Variants in CENPT observed in about 807,000 individuals in gnomAD.
CENPT encodes centromere protein T, also known as interphase centromere complex protein 22.
In CENPT, 42 loss-of-function variants were observed where a neutral mutation model predicts 59.7. That is an observed-to-expected ratio of 0.70 (90% confidence interval 0.55 to 0.91). CENPT has a LOEUF of 0.91. CENPT is among the 40% of genes least tolerant of loss of function. The pLI, the probability that CENPT is intolerant of heterozygous loss-of-function variation, is 0.00. For missense variants in CENPT, 716 were observed against 713.4 expected, an observed-to-expected ratio of 1.00 and a Z score of -0.04; for synonymous variants, 295 against 289.6, an observed-to-expected ratio of 1.02 and a Z score of -0.19.
At position 67,832,037 on chromosome 16, in the gene CENPT, A is replaced by C. The variant is rs187620725; in HGVS notation, c.361T>G (p.Ser121Ala). Residue 121 changes from serine (S) to alanine (A), a missense_variant, in exon 7 of 16, where the codon TCC (serine) becomes GCC (alanine). Ser to Ala is a moderately conservative substitution (Grantham distance 99). Transcript: ENST00000562787. ...PVPAPQAVQP[S>A]RQESSCGSLE... ...CTGCCGCAACTGCTCTCTTGTCTGG[A>C]GGGTTGGACCGCCTGCGGTGCTGGC... 2,594 of 1,608,638 alleles carry C rather than the reference A, an allele frequency of 1.6e-3. 20 individuals are homozygous for C. The East Asian group carries it at 0.023, about 14-fold the overall frequency.
chr16:67,844,705 C>CA, intron 1 of CENPT, among the ~76,000 whole-genome samples: 1 of 152,212 alleles, frequency 6.6e-6, no homozygotes, highest in South Asian at 2.1e-4. Flanking sequence ...TTCGGTGTGA[C>CA]AGAGCTGTAT....
rs762932370 is a variant in CENPT at position 67,843,307 on chromosome 16, C to T, written c.-492+4094G>A. Reference sequence around the variant, plus strand: ...ACCATTCGTACTCCTTGTCGTCAGGCACCACGGAGGAGGAGCTCCTGCGCA... The same window carrying T: ...ACCATTCGTACTCCTTGTCGTCAGGTACCACGGAGGAGGAGCTCCTGCGCA... On this transcript the variant is annotated intron_variant, in intron 1 of 15. Transcript: ENST00000562787. The surrounding 1 kb of genome is among the most constrained non-coding windows in gnomAD (Gnocchi z 5.7). The T allele has an allele frequency of 2.5e-6, 4 of 1,613,904 alleles. No individual in the cohort carries two copies. Among genetic ancestry groups the T allele is most frequent in the Non-Finnish European group, 3.4e-6 (4 of 1,180,022 alleles).
chr16:67,838,401 C>G (rs968822440), intron 1 of CENPT, among the ~76,000 whole-genome samples: 3 of 151,662 alleles, frequency 2.0e-5, no homozygotes, highest in African/African-American at 4.9e-5. Context: ...GCAGGCTGAT[C>G]ACCTGGGGTC....
At chr16:67,829,397 T>A (rs2057655996) in intron 13 of CENPT, 26 bp downstream of exon 13, 5 of 1,559,838 alleles carry the variant, frequency 3.2e-6, no homozygotes, top group Non-Finnish European at 3.5e-6. Flanking sequence ...AAGAGGCCCA[T>A]GAGGAATGGG....
intron 1 of CENPT, among the ~76,000 whole-genome samples, chr16:67,836,674 G>A (rs1435394952): frequency 4.0e-5 from 6 of 151,390 alleles, no homozygotes; most frequent in Non-Finnish European, 5.9e-5. Context: ...GTGCAATGGC[G>A]CAACCTCTGC....
rs754593487 is a variant in CENPT at position 67,842,905 on chromosome 16, G to GCAGCAA, written c.-492+4495_-492+4496insTTGCTG. 3.8e-6 allele frequency: 6 copies of GCAGCAA among 1,559,800 alleles called. No homozygotes were observed. The African/African-American group carries it at 4.6e-5, about 12-fold the overall frequency. ...AGCAGCAGCAGCAACAGCAGCAACA[G>GCAGCAA]CAGCAGCAGCAGCAACAGCAGCAGC... On this transcript the variant is annotated intron_variant, in intron 1 of 15. Transcript: ENST00000562787. The surrounding 1 kb of genome is among the most constrained non-coding windows in gnomAD (Gnocchi z 4.9).
Position 67,834,453 on chromosome 16 carries a change from C to T in CENPT, c.-241-353G>A, listed in dbSNP as rs143420209. On this transcript the variant is annotated intron_variant, in intron 3 of 15. Coordinates refer to ENST00000562787, the MANE Select transcript of CENPT (RefSeq NM_025082.4). ...TGAGACCCCTGCCCCCTGGTCTCTA[C>T]AAAAAATAAAAATAAATTATTCAGT... Among the ~76,000 whole-genome samples, 215 of 151,980 alleles carry T rather than the reference C, an allele frequency of 1.4e-3. 1 individual carries two copies. The highest frequency in any genetic ancestry group is 3.4e-3 in the Middle Eastern group (1 of 294).
chr16:67,832,185 G>A, intron 6 of CENPT, 43 bp downstream of exon 6: 1 of 1,608,758 alleles, frequency 6.2e-7, no homozygotes, highest in Non-Finnish European at 8.5e-7. Context: ...GACTGGGGTT[G>A]GACTGGTACC....
Position 67,842,320 on chromosome 16 carries a change from G to T in CENPT, c.-492+5081C>A, listed in dbSNP as rs930516907. ...TCAGGCGGTCCTTCGCGGCGTCCCC[G>T]GGGCCCACTCCCGAGCGCAGGCGGG... is the stretch of plus-strand genomic sequence containing the variant. On this transcript the variant is annotated intron_variant, in intron 1 of 15. Coordinates refer to ENST00000562787, the MANE Select transcript of CENPT (RefSeq NM_025082.4). The surrounding 1 kb of genome is among the most constrained non-coding windows in gnomAD (Gnocchi z 4.9). 1 of 176,954 alleles carries T rather than the reference G, an allele frequency of 5.7e-6. No individual in the cohort carries two copies. The highest frequency in any genetic ancestry group is 2.0e-4 in the South Asian group (1 of 5,104). 11.0% of individuals were successfully genotyped at this position (176,954 alleles called of 1,614,324 possible).
chr16:67,840,784 G>T (rs912407342), intron 1 of CENPT, among the ~76,000 whole-genome samples: 2 of 151,860 alleles, frequency 1.3e-5, no homozygotes, highest in Non-Finnish European at 2.9e-5. Flanking sequence ...GCAAAGGAGG[G>T]CTAGTTTGCA....
In CENPT at chr16:67,828,829, G is replaced by A; in HGVS notation, c.1295C>T (p.Pro432Leu). 2 of 1,582,776 alleles carry A rather than the reference G, an allele frequency of 1.3e-6. No individual in the cohort carries two copies. The highest frequency in any genetic ancestry group is 1.7e-6 in the Non-Finnish European group (2 of 1,171,824). ...ATGCCTGACCAACAGAGGCTCTGCA[G>A]GCTCTGAAGATAAGCTGAGGGCAAC... is the stretch of plus-strand genomic sequence containing the variant. ...APGAAVLSSE[P>L]AEPLLVRHPP... The change falls in exon 14 of 16, where the codon CCT becomes CTT. Residue 432 changes from proline to leucine, a missense_variant. Physicochemically the swap from Pro to Leu is moderately conservative, Grantham distance 98. Transcript: ENST00000562787.
intron 1 of CENPT, among the ~76,000 whole-genome samples, chr16:67,846,516 G>A (rs531814966): frequency 1.3e-5 from 2 of 152,368 alleles, no homozygotes; most frequent in Non-Finnish European, 2.9e-5. Context: ...AAGGGGAGGG[G>A]GTTTCGTGAG....
rs1555494387 is a variant in CENPT at position 67,842,878 on chromosome 16, G to C, written c.-492+4523C>G. ...CCCGCCGCAGGCAGCAGCAGCAACA[G>C]CAGCAGCAGCAGCAACAGCAGCAAC... is the stretch of plus-strand genomic sequence containing the variant. On this transcript the variant is annotated intron_variant, in intron 1 of 15. Coordinates refer to ENST00000562787, the MANE Select transcript of CENPT (RefSeq NM_025082.4). This position sits in a 1 kb window ranked among gnomAD's most constrained non-coding sequence, Gnocchi z 4.9. 3 of 1,592,832 alleles carry C rather than the reference G, an allele frequency of 1.9e-6. No homozygotes were observed. The Admixed American group carries it at 5.0e-5, about 27-fold the overall frequency.
intron 1 of CENPT, among the ~76,000 whole-genome samples, chr16:67,839,927 G>A (rs1163119570): frequency 6.6e-5 from 10 of 152,154 alleles, no homozygotes; most frequent in Admixed American, 2.0e-4. Context: ...CGTTTATACC[G>A]TTGTATAAAT....
Position 67,832,401 on chromosome 16 carries a change from C to T in CENPT, c.201+54G>A, listed in dbSNP as rs775842595. The T allele has an allele frequency of 1.9e-6, 3 of 1,606,708 alleles. No homozygotes were observed. In the African/African-American group the frequency reaches 4.0e-5, roughly 21 times the overall value. ...GCTCCAGAGCAGAGCTAGACCTCAA[C>T]CCCCCTCCCCGAGGCAGCCAGGGCC... On this transcript the variant is annotated intron_variant, in intron 5 of 15. Coordinates refer to ENST00000562787, the MANE Select transcript of CENPT (RefSeq NM_025082.4).
Position 67,832,537 on chromosome 16 carries a change from C to G in CENPT, c.119G>C (p.Arg40Thr). ...GGGGGAAGCCGTTTCAAGCAGGGCT[C>G]TCCGGGCTCTGTGTAAAGACCAGCA... ...RPRSARAGARRALLETASPRK... is the reference protein window; with the variant it reads ...RPRSARAGARTALLETASPRK... Residue 40 changes from arginine to threonine, a missense_variant, in exon 5 of 16, where the codon AGA becomes ACA. By Grantham distance (71) the Arg-to-Thr change is moderately conservative. Transcript: ENST00000562787. 2.5e-6 allele frequency: 4 copies of G among 1,613,958 alleles called. No individual in the cohort carries two copies. The highest frequency in any genetic ancestry group is 3.4e-6 in the Non-Finnish European group (4 of 1,179,878).
chr16:67,838,914 G>A (rs558561850), intron 1 of CENPT, among the ~76,000 whole-genome samples: 2 of 147,806 alleles, frequency 1.4e-5, no homozygotes, highest in South Asian at 2.1e-4. Flanking sequence ...GCCACAGTGT[G>A]AGTGCAAGAC....
chr16:67,830,274 G>A, intron 11 of CENPT, 116 bp downstream of exon 11: 1 of 1,348,362 alleles, frequency 7.4e-7, no homozygotes, highest in East Asian at 2.3e-5. Flanking sequence ...GGATGAAGGA[G>A]GCAGCCACAG....
At position 67,842,529 on chromosome 16, in the gene CENPT, G is replaced by T. The variant is rs998925342; in HGVS notation, c.-492+4872C>A. ...GTCGAAGAGCGCAGGAGGCCGGTGG[G>T]CCGGGCCGGGCCGCGCGGCGCAGCC... is the stretch of plus-strand genomic sequence containing the variant. On this transcript the variant is annotated intron_variant, in intron 1 of 15. Transcript: ENST00000562787. This position sits in a 1 kb window ranked among gnomAD's most constrained non-coding sequence, Gnocchi z 4.9. The T allele has an allele frequency of 6.8e-7, 1 of 1,480,360 alleles. No individual in the cohort carries two copies. The highest frequency in any genetic ancestry group is 1.4e-5 in the African/African-American group (1 of 71,360). 91.7% of individuals were successfully genotyped at this position (1,480,360 alleles called of 1,614,324 possible).
Sources: allele counts gnomAD v4.1 joint callset (sites outside exome capture counted in the v4.1 genomes callset), GRCh38; gene constraint gnomAD v4.1.1; non-coding constraint Gnocchi (gnomAD v3.1); transcripts MANE v1.5; gene names NCBI Gene and HGNC (gene_info 2026-07-23, HGNC 2026-07-21).